Variants in ARHGEF28 observed in about 807,000 individuals in gnomAD.
ARHGEF28 encodes 190 kDa guanine nucleotide exchange factor.
ARHGEF28 carries 152 observed loss-of-function variants against 206.6 expected under a neutral mutation model. That is an observed-to-expected ratio of 0.74 (90% CI 0.64 to 0.84). The LOEUF is 0.84. Ranked by LOEUF, ARHGEF28 falls within the 40% of genes least tolerant of loss-of-function variation. The pLI, the probability that ARHGEF28 is intolerant of heterozygous loss-of-function variation, is 0.00. For synonymous variants in ARHGEF28, 763 were observed against 776.4 expected (o/e 0.98, Z 0.29); for missense variants, 2,028 against 2,073.2 (o/e 0.98, Z 0.42).
chr5:73,901,254 C>A lies in ARHGEF28; in HGVS notation c.4044C>A (p.Thr1348=), dbSNP rs182944481. The A allele has an allele frequency of 1.8e-3, 2,880 of 1,612,964 alleles. 24 individuals carry two copies. The Middle Eastern group carries it at 0.042, about 24-fold the overall frequency. The change falls in exon 31 of 36, where the codon ACC becomes ACA. Residue 1348 remains threonine, a synonymous_variant. Transcript: ENST00000513042. Reference sequence around the variant, plus strand: ...ATCCCGGGATCCAGGGTGTGGTAACCGACTTGGCCGTCTCTGATGCAGGGG... The same window carrying A: ...ATCCCGGGATCCAGGGTGTGGTAACAGACTTGGCCGTCTCTGATGCAGGGG... ...DVDPGIQGVV[T]DLAVSDAGEK...
Position 73,868,101 on chromosome 5 carries a change from T to C in ARHGEF28, c.2299T>C (p.Phe767Leu), listed in dbSNP as rs779867833. 7 of 1,612,436 alleles carry C rather than the reference T, an allele frequency of 4.3e-6. No homozygotes were observed. The African/African-American group carries it at 8.0e-5, about 18-fold the overall frequency. ...TTTGCTCCCCTCCCTCTCTCCTAGC[T>C]TCAGGAGGTCAGCCACATCCTTGGA... ...RSVPGTTLES[F>L]RRSATSLESE... is the part of the protein sequence containing the mutation. Residue 767 changes from phenylalanine (F) to leucine (L), a missense_variant and splice_region_variant, in exon 20 of 36, where the codon TTC becomes CTC. This residue lies in a region of ARHGEF28 where 1,002 missense variants were observed against 1,015.3 expected (regional missense o/e 0.99). Transcript: ENST00000513042.
chr5:73,889,516 A>G (rs1410343629), intron 26 of ARHGEF28, among the ~76,000 whole-genome samples: 1 of 152,264 alleles, frequency 6.6e-6, no homozygotes, highest in Non-Finnish European at 1.5e-5. Context: ...GGCAAATTCA[A>G]AAGGAGCAAA....
intron 15 of ARHGEF28, 140 bp downstream of exon 15, chr5:73,857,919 C>A: frequency 7.3e-7 from 1 of 1,371,904 alleles, no homozygotes; most frequent in Non-Finnish European, 9.8e-7. Flanking sequence ...ATTGCTAAAG[C>A]CCAGAATATA....
intron 9 of ARHGEF28, among the ~76,000 whole-genome samples, chr5:73,829,545 A>G (rs780734972): frequency 1.3e-5 from 2 of 152,068 alleles, no homozygotes; most frequent in African/African-American, 2.4e-5. Flanking sequence ...ATGCCCGGCT[A>G]ATTTTTTATA....
At chr5:73,925,105 G>A (rs1024659359) in intron 35 of ARHGEF28, among the ~76,000 whole-genome samples, 1 of 152,268 alleles carries the variant, frequency 6.6e-6, no homozygotes, top group African/African-American at 2.4e-5. Flanking sequence ...TTTTGGTCCC[G>A]TGGATAAGGG....
chr5:73,902,535 G>A (rs1762326751), intron 31 of ARHGEF28: 1 of 152,048 alleles, frequency 6.6e-6, no homozygotes, highest in South Asian at 2.1e-4. Context: ...AAGGCATTTT[G>A]AAAGATTAAT....
intron 2 of ARHGEF28, among the ~76,000 whole-genome samples, chr5:73,699,551 C>A (rs907592428): frequency 6.6e-6 from 1 of 152,066 alleles, no homozygotes; most frequent in Non-Finnish European, 1.5e-5. Context: ...TTAGAAATGA[C>A]CAGGTTGTGG....
chr5:73,802,834 ATT>A (rs2112500617), intron 9 of ARHGEF28, among the ~76,000 whole-genome samples: 1 of 151,426 alleles, frequency 6.6e-6, no homozygotes, highest in Admixed American at 6.6e-5. Flanking sequence ...AAAAAATTAC[ATT>A]TACAAAGGGA....
chr5:73,767,840 T>C (rs940433740), intron 4 of ARHGEF28, among the ~76,000 whole-genome samples: 9 of 152,196 alleles, frequency 5.9e-5, no homozygotes, highest in Admixed American at 4.6e-4. Context: ...GTCAGAGGGC[T>C]TCATGGGAGC....
chr5:73,933,376 G>A (rs187240146), intron 35 of ARHGEF28, among the ~76,000 whole-genome samples: 5 of 152,080 alleles, frequency 3.3e-5, no homozygotes, highest in African/African-American at 4.8e-5. Context: ...ATTTTATAGC[G>A]TAGGTTCACA....
At chr5:73,652,017 G>A (rs1744867606) in intron 1 of ARHGEF28, among the ~76,000 whole-genome samples, 1 of 152,186 alleles carries the variant, frequency 6.6e-6, no homozygotes, top group African/African-American at 2.4e-5. Flanking sequence ...GGCCTCAAGT[G>A]CAGAGTAAGT....
chr5:73,653,649 A>G (rs953116476), intron 1 of ARHGEF28, among the ~76,000 whole-genome samples: 1 of 152,152 alleles, frequency 6.6e-6, no homozygotes, highest in Non-Finnish European at 1.5e-5. Flanking sequence ...TGCTCCATGC[A>G]TGTGCTGGAA....
intron 1 of ARHGEF28, among the ~76,000 whole-genome samples, chr5:73,673,780 C>A (rs1165445756): frequency 2.0e-5 from 3 of 152,030 alleles, no homozygotes; most frequent in African/African-American, 7.3e-5. Flanking sequence ...ATCTCTTAAT[C>A]GTCACAACAG....
intron 5 of ARHGEF28, among the ~76,000 whole-genome samples, 168 bp from the exon 6 acceptor site, chr5:73,776,348 T>C (rs2112452136): frequency 6.6e-6 from 1 of 152,332 alleles, no homozygotes; most frequent in African/African-American, 2.4e-5. Flanking sequence ...AAAGATGGCT[T>C]TATTAGTATC....
intron 2 of ARHGEF28, among the ~76,000 whole-genome samples, chr5:73,748,616 A>AT (rs1444214740): frequency 6.6e-6 from 1 of 152,096 alleles, no homozygotes; most frequent in African/African-American, 2.4e-5. Context: ...TTATCTGTTC[A>AT]CTTTCTCCTC....
At chr5:73,724,030 G>T (rs147155444) in intron 2 of ARHGEF28, among the ~76,000 whole-genome samples, 144 of 152,338 alleles carry the variant, frequency 9.5e-4, no homozygotes, top group Non-Finnish European at 1.5e-3. Context: ...AGAGGTACCT[G>T]TGCCAGGGTC....
chr5:73,941,065 A>C lies in ARHGEF28; in HGVS notation c.*52A>C. 1 of 1,411,592 alleles carries C rather than the reference A, an allele frequency of 7.1e-7. No individual in the cohort carries two copies. The highest frequency in any genetic ancestry group is 9.2e-7 in the Non-Finnish European group (1 of 1,085,746). The allele number at this position is 1,411,592 out of a possible 1,614,324, so 87.4% of individuals were successfully genotyped here. On this transcript the variant is annotated 3_prime_UTR_variant, in exon 36 of 36. Transcript: ENST00000513042. ...CAAAACACTGGCACTTTTGGGAGAA[A>C]CTTTTTGTCTCCATTCCTTATGTAT...
chr5:73,898,732 T>G (rs1288494251), intron 30 of ARHGEF28: 2 of 152,224 alleles, frequency 1.3e-5, no homozygotes, highest in African/African-American at 4.8e-5. Flanking sequence ...AAAAATAGAA[T>G]GTAGAGATTT....
At chr5:73,707,735 A>C in intron 2 of ARHGEF28, among the ~76,000 whole-genome samples, 1 of 152,190 alleles carries the variant, frequency 6.6e-6, no homozygotes, top group East Asian at 1.9e-4. Flanking sequence ...TCTCTCCATT[A>C]ACCAAAGAAA....
Sources: allele counts gnomAD v4.1 joint callset (sites outside exome capture counted in the v4.1 genomes callset), GRCh38; gene constraint gnomAD v4.1.1; regional missense constraint gnomAD v4.1.1; transcripts MANE v1.5; gene names NCBI Gene and HGNC (gene_info 2026-07-23, HGNC 2026-07-21).